Variants in NOX3 observed in about 807,000 individuals in gnomAD.
The protein encoded by NOX3 is NADPH oxidase catalytic subunit-like 3.
Under a neutral mutation model 76.7 loss-of-function variants are expected in NOX3, and 74 were observed. The ratio of observed to expected loss-of-function variants is 0.96; its 90% confidence interval spans 0.80 to 1.17. The LOEUF (loss-of-function observed/expected upper bound fraction) is 1.17, where lower values mean the gene tolerates loss of function less well. Ranked by LOEUF, NOX3 falls within the 50% of genes most tolerant of loss-of-function variation. The pLI, the probability that NOX3 is intolerant of heterozygous loss-of-function variation, is 0.00. For missense variants in NOX3, 695 were observed against 703.3 expected (o/e 0.99, Z 0.13); for synonymous variants, 263 against 261.1 (o/e 1.01, Z -0.07).
chr6:155,446,056 C>T (rs1777061927), intron 4 of NOX3, among the ~76,000 whole-genome samples: 1 of 148,054 alleles, frequency 6.8e-6, no homozygotes, highest in Non-Finnish European at 1.5e-5. Context: ...GTCAAATATA[C>T]TTCAGGTTGA....
chr6:155,440,004 T>C lies in NOX3; in HGVS notation c.620A>G (p.His207Arg). The C allele has an allele frequency of 6.2e-7, 1 of 1,613,928 alleles. No homozygotes were observed. ...GAGAAAGAAGACGATGAAAACATGGTGTGTGTACCAGAACAACTCATAGGA... is the reference window on the plus strand; with the variant it reads ...GAGAAAGAAGACGATGAAAACATGGCGTGTGTACCAGAACAACTCATAGGA... ...QASYELFWYT[H>R]HVFIVFFLSL... The change falls in exon 6 of 14, where the codon CAC becomes CGC. Residue 207 changes from histidine (H) to arginine (R), a missense_variant. Transcript: ENST00000159060.
intron 5 of NOX3, 97 bp from the exon 6 acceptor site, chr6:155,440,234 A>G (rs1776965529): frequency 3.2e-6 from 3 of 931,286 alleles, no homozygotes; most frequent in Middle Eastern, 3.4e-4. Context: ...TTTTAGGACC[A>G]GTACTTGAGA....
intron 5 of NOX3, 100 bp downstream of exon 5, chr6:155,443,173 G>C: frequency 1.7e-6 from 2 of 1,210,148 alleles, no homozygotes; most frequent in Admixed American, 2.7e-5. Flanking sequence ...TCATTCTCCA[G>C]CTCTTTTATT....
intron 4 of NOX3, 50 bp from the exon 5 acceptor site, chr6:155,443,468 C>G (rs1202005597): frequency 6.3e-7 from 1 of 1,582,122 alleles, no homozygotes; most frequent in Non-Finnish European, 8.6e-7. Flanking sequence ...TTGCTTTCTC[C>G]CTAGTTACTA....
chr6:155,416,662 G>T (rs1484900405), intron 10 of NOX3, among the ~76,000 whole-genome samples: 1 of 151,678 alleles, frequency 6.6e-6, no homozygotes, highest in African/African-American at 2.4e-5. Flanking sequence ...CCCTGTGGCT[G>T]AGGACTGATC....
At chr6:155,407,803 C>T (rs1309231103) in intron 11 of NOX3, among the ~76,000 whole-genome samples, 5 of 152,116 alleles carry the variant, frequency 3.3e-5, no homozygotes, top group African/African-American at 1.2e-4. Flanking sequence ...TGGAGCCTGG[C>T]AGGCGGAAAA....
chr6:155,454,760 A>G, intron 3 of NOX3, 51 bp downstream of exon 3: 1 of 1,071,920 alleles, frequency 9.3e-7, no homozygotes, highest in Non-Finnish European at 1.4e-6. Flanking sequence ...AATGGCACTT[A>G]TATGAGGAAG....
intron 12 of NOX3, among the ~76,000 whole-genome samples, chr6:155,397,407 T>C (rs985636955): frequency 5.3e-5 from 8 of 152,204 alleles, no homozygotes; most frequent in Non-Finnish European, 7.4e-5. Context: ...CTTGACCTCC[T>C]TTTTGGCCAG....
At chr6:155,448,380 T>C (rs1006126481) in intron 4 of NOX3, among the ~76,000 whole-genome samples, 6 of 152,194 alleles carry the variant, frequency 3.9e-5, no homozygotes, top group Non-Finnish European at 8.8e-5. Flanking sequence ...CCATTAGCTA[T>C]GCGGGGGAGC....
At chr6:155,408,212 T>A (rs1776489997) in intron 11 of NOX3, among the ~76,000 whole-genome samples, 1 of 152,188 alleles carries the variant, frequency 6.6e-6, no homozygotes, top group South Asian at 2.1e-4. Flanking sequence ...GGTCTCGATC[T>A]CCTGACCTCA....
intron 7 of NOX3, among the ~76,000 whole-genome samples, chr6:155,434,788 G>A (rs576596104): frequency 3.2e-4 from 49 of 152,260 alleles, no homozygotes; most frequent in Non-Finnish European, 6.0e-4. Context: ...AGGGACTGCC[G>A]GGTATAGTTG....
chr6:155,436,482 C>A lies in NOX3; in HGVS notation c.734G>T (p.Arg245Leu). Residue 245 changes from arginine (R) to leucine (L), a missense_variant, in exon 7 of 14, where the codon CGC becomes CTC. By Grantham distance (102) the Arg-to-Leu change is moderately radical. Transcript: ENST00000159060. ...SLHNITFCRD[R>L]YAEWQTVAQC... Reference sequence around the variant, plus strand: ...GGCCACTGTCTGCCATTCTGCATAGCGGTCTCTACAGAAGGTGATGTTGTG... The same window carrying A: ...GGCCACTGTCTGCCATTCTGCATAGAGGTCTCTACAGAAGGTGATGTTGTG... 6.2e-7 allele frequency: 1 copy of A among 1,613,982 alleles called. No individual in the cohort carries two copies.
chr6:155,454,836 A>T lies in NOX3; in HGVS notation c.230T>A (p.Ile77Asn). ...LILIPVSRNL[I>N]SFIRGTSICC... Reference sequence around the variant, plus strand: ...AATACTTGTTCCTCTTATGAATGAAATAAGGTTTCGACTGACAGGTATTAG... The same window carrying T: ...AATACTTGTTCCTCTTATGAATGAATTAAGGTTTCGACTGACAGGTATTAG... The change falls in exon 3 of 14, where the codon ATT (isoleucine) becomes AAT (asparagine). Residue 77 changes from isoleucine to asparagine, a missense_variant. Physicochemically the swap from Ile to Asn is moderately radical, Grantham distance 149. Transcript: ENST00000159060. 4 of 1,596,578 alleles carry T rather than the reference A, an allele frequency of 2.5e-6. No homozygotes were observed. Among genetic ancestry groups the T allele is most frequent in the Non-Finnish European group, 3.4e-6 (4 of 1,173,766 alleles).
At chr6:155,439,772 C>G (rs1776956667) in intron 6 of NOX3, among the ~76,000 whole-genome samples, 184 bp downstream of exon 6, 1 of 152,132 alleles carries the variant, frequency 6.6e-6, no homozygotes, top group African/African-American at 2.4e-5. Context: ...TATAATACTT[C>G]ACCATCTATG....
Position 155,439,940 on chromosome 6 carries a change from C to G in NOX3, c.668+16G>C. 1 of 1,603,174 alleles carries G rather than the reference C, an allele frequency of 6.2e-7. No individual in the cohort carries two copies. The highest frequency in any genetic ancestry group is 8.5e-7 in the Non-Finnish European group (1 of 1,175,464). On this transcript the variant is annotated intron_variant, in intron 6 of 13. Coordinates refer to ENST00000159060, the MANE Select transcript of NOX3 (RefSeq NM_015718.3). ...CAGAGATAAAATCCTTGCAGAGGAGCGCAGTATGGACTTACCCCGTCCCAT... is the reference window on the plus strand; with the variant it reads ...CAGAGATAAAATCCTTGCAGAGGAGGGCAGTATGGACTTACCCCGTCCCAT...
chr6:155,451,472 G>C (rs1367734802), intron 4 of NOX3, among the ~76,000 whole-genome samples: 1 of 151,952 alleles, frequency 6.6e-6, no homozygotes. Flanking sequence ...CTGCTTTCAG[G>C]GTATCTTTAA....
intron 7 of NOX3, among the ~76,000 whole-genome samples, chr6:155,433,572 C>T (rs1546894): frequency 0.042 from 6,460 of 152,256 alleles, 173 homozygotes; most frequent in African/African-American, 0.07. Flanking sequence ...TTATTTAGTT[C>T]CCTCCAAGCT....
At chr6:155,451,259 G>A (rs150259169) in intron 4 of NOX3, among the ~76,000 whole-genome samples, 9 of 152,230 alleles carry the variant, frequency 5.9e-5, no homozygotes, top group Middle Eastern at 3.4e-3. Flanking sequence ...GATTACAGGC[G>A]TGAGCCACCA....
At chr6:155,431,720 T>G (rs1377948799) in intron 7 of NOX3, among the ~76,000 whole-genome samples, 1 of 152,186 alleles carries the variant, frequency 6.6e-6, no homozygotes, top group East Asian at 1.9e-4. Context: ...TTTGAAGAGT[T>G]CTATTTGTAC....
Sources: gnomAD v4.1 joint callset for allele counts (sites outside exome capture counted in the v4.1 genomes callset) on GRCh38, gnomAD v4.1.1 for gene constraint, MANE v1.5 for transcripts, NCBI Gene and HGNC (gene_info 2026-07-23, HGNC 2026-07-21) for gene names.